BNC2: variants seen among roughly 807,000 people sequenced by gnomAD.
BNC2 encodes zinc finger protein basonuclin-2.
BNC2 carries 20 observed loss-of-function variants against 76.3 expected under a neutral mutation model. That is an observed-to-expected ratio of 0.26 (90% CI 0.18 to 0.38). BNC2 has a LOEUF of 0.38. Among genes scored for constraint, BNC2 ranks in the 10% least tolerant of loss-of-function variants. BNC2 has a pLI of 1.00. For missense variants in BNC2, 1,382 were observed against 1,399.8 expected, an observed-to-expected ratio of 0.99 and a Z score of 0.20; for synonymous variants, 582 against 514.8, an observed-to-expected ratio of 1.13 and a Z score of -1.77.
chr9:16,710,962 G>C (rs966459652), intron 3 of BNC2, among the ~76,000 whole-genome samples: 2 of 152,146 alleles, frequency 1.3e-5, no homozygotes, highest in Non-Finnish European at 2.9e-5. Context: ...TCCTGAGAAA[G>C]CAATTTTCTA....
At chr9:16,648,471 A>G (rs1821699792) in intron 3 of BNC2, among the ~76,000 whole-genome samples, 1 of 152,248 alleles carries the variant, frequency 6.6e-6, no homozygotes, top group Non-Finnish European at 1.5e-5. Context: ...GCTGGAAAGC[A>G]GCTTAAAAAC....
chr9:16,497,295 C>T (rs1396820054), intron 5 of BNC2, among the ~76,000 whole-genome samples: 1 of 152,190 alleles, frequency 6.6e-6, no homozygotes, highest in Non-Finnish European at 1.5e-5. Flanking sequence ...ATCCTAAAAA[C>T]ATTTCTGTGA....
chr9:16,835,336 CAT>C (rs1158585328), intron 1 of BNC2, among the ~76,000 whole-genome samples: 3 of 152,158 alleles, frequency 2.0e-5, no homozygotes, highest in Non-Finnish European at 1.5e-5. Context: ...ACTACAACCC[CAT>C]GAGTTAGGTA....
chr9:16,802,050 A>G (rs891223966), intron 1 of BNC2, among the ~76,000 whole-genome samples: 4 of 152,184 alleles, frequency 2.6e-5, no homozygotes, highest in Admixed American at 1.3e-4. Flanking sequence ...CCTGCTTCGT[A>G]TCCAAAATAA....
In BNC2 at chr9:16,570,086, C is replaced by T. The variant is rs117510289; in HGVS notation, c.433+12897G>A. On this transcript the variant is annotated intron_variant, in intron 4 of 6. Transcript: ENST00000380672. Reference sequence around the variant, plus strand: ...AATCACCCTACCCCCCAGTTATTCACTTTAAAGACTTAATTTTCTTAAAGG... The same window carrying T: ...AATCACCCTACCCCCCAGTTATTCATTTTAAAGACTTAATTTTCTTAAAGG... Among the ~76,000 whole-genome samples the T allele has an allele frequency of 5.2e-3, 794 of 152,216 alleles. 5 individuals are homozygous for T. The highest frequency in any genetic ancestry group is 0.01 in the Middle Eastern group (3 of 292).
chr9:16,807,445 T>C (rs1372915242), intron 1 of BNC2, among the ~76,000 whole-genome samples: 2 of 152,172 alleles, frequency 1.3e-5, no homozygotes, highest in Non-Finnish European at 2.9e-5. Context: ...ACAAAATATA[T>C]CCTGTTTTGC....
chr9:16,817,005 A>G (rs1421499398), intron 1 of BNC2, among the ~76,000 whole-genome samples: 1 of 152,238 alleles, frequency 6.6e-6, no homozygotes, highest in Non-Finnish European at 1.5e-5. Flanking sequence ...AGAAAAAGAA[A>G]GTGGAGAGGG....
chr9:16,647,259 A>T (rs925228268), intron 3 of BNC2, among the ~76,000 whole-genome samples: 1 of 152,094 alleles, frequency 6.6e-6, no homozygotes, highest in East Asian at 1.9e-4. Flanking sequence ...CCTTGCCAAA[A>T]AGGGGTAGGT....
At chr9:16,813,352 A>C (rs756727542) in intron 1 of BNC2, among the ~76,000 whole-genome samples, 2 of 148,250 alleles carry the variant, frequency 1.3e-5, no homozygotes, top group Admixed American at 6.7e-5. Context: ...TGCAAGCTCC[A>C]CCTCCCGGGT....
intron 4 of BNC2, among the ~76,000 whole-genome samples, chr9:16,580,907 T>G (rs1819614055): frequency 6.6e-6 from 1 of 152,194 alleles, no homozygotes; most frequent in African/African-American, 2.4e-5. Flanking sequence ...GCAAGAAAAC[T>G]GAAGTCCAGC....
chr9:16,726,797 C>A (rs752339799), intron 3 of BNC2: 19 of 152,098 alleles, frequency 1.2e-4, no homozygotes, highest in Admixed American at 5.2e-4. Context: ...GAGGGAGGCA[C>A]CAGGGAACTT....
chr9:16,625,745 C>G (rs1295942595), intron 3 of BNC2: 6 of 152,378 alleles, frequency 3.9e-5, no homozygotes, highest in African/African-American at 1.4e-4. Flanking sequence ...CCTCCCTATC[C>G]CCGACCCTGG....
At chr9:16,713,445 CTTTTT>C (rs34090221) in intron 3 of BNC2, among the ~76,000 whole-genome samples, 13 of 128,160 alleles carry the variant, frequency 1.0e-4, no homozygotes, top group Non-Finnish European at 1.1e-4. Flanking sequence ...GGAAAAGGCA[CTTTTT>C]TTTTTTTTTT....
At chr9:16,807,002 T>G (rs1198667797) in intron 1 of BNC2, among the ~76,000 whole-genome samples, 1 of 102,020 alleles carries the variant, frequency 9.8e-6, no homozygotes. Flanking sequence ...ATAGTCTACT[T>G]TCTTCTCTTT....
At chr9:16,486,014 A>C (rs568221389) in intron 5 of BNC2, among the ~76,000 whole-genome samples, 1 of 152,296 alleles carries the variant, frequency 6.6e-6, no homozygotes, top group African/African-American at 2.4e-5. Flanking sequence ...TCTTCTCTTG[A>C]GCTGATCTTA....
Position 16,836,517 on chromosome 9 carries a change from G to GA in BNC2, c.3+34128dup, listed in dbSNP as rs34325739. Among the ~76,000 whole-genome samples, 518 of 122,944 alleles carry GA rather than the reference G, an allele frequency of 4.2e-3. 2 individuals carry two copies. Among genetic ancestry groups the GA allele is most frequent in the African/African-American group, 0.012 (389 of 32,898 alleles). The allele number at this position is 122,944 out of a possible 152,430, so 80.7% of individuals were successfully genotyped here. A position where few individuals can be genotyped will look rare whatever the true frequency, so the allele number is the denominator to read the frequency against. ...TTTGGCCCAGCTCTTCCTTTCAGGA[G>GA]AAAAAAAAAAAAAAGAATCCTAGAA... is the stretch of plus-strand genomic sequence containing the variant. On this transcript the variant is annotated intron_variant, in intron 1 of 6. Transcript: ENST00000380672.
chr9:16,451,862 T>C (rs542960819), intron 5 of BNC2, among the ~76,000 whole-genome samples: 1 of 152,326 alleles, frequency 6.6e-6, no homozygotes, highest in South Asian at 2.1e-4. Context: ...GAAGACTCAA[T>C]GCTCACAGAG....
chr9:16,755,370 C>G (rs1229266697), intron 1 of BNC2, among the ~76,000 whole-genome samples: 2 of 152,086 alleles, frequency 1.3e-5, no homozygotes, highest in Non-Finnish European at 1.5e-5. Context: ...ACCCTATTAA[C>G]AGAAAAGGGC....
intron 5 of BNC2, among the ~76,000 whole-genome samples, chr9:16,526,099 G>A (rs182360433): frequency 1.3e-3 from 198 of 151,200 alleles, no homozygotes; most frequent in African/African-American, 4.3e-3. Flanking sequence ...CTTCATCCTG[G>A]GTTTTTGTTT....
Sources: allele counts gnomAD v4.1 joint callset (sites outside exome capture counted in the v4.1 genomes callset), GRCh38; gene constraint gnomAD v4.1.1; transcripts MANE v1.5; gene names NCBI Gene and HGNC (gene_info 2026-07-23, HGNC 2026-07-21).